The following TAOK1 variants were observed in gnomAD, a reference collection of about 807,000 sequenced individuals.
TAOK1 encodes the protein serine/threonine-protein kinase TAO1.
A neutral mutation model predicts 138.3 loss-of-function variants in TAOK1; 21 were observed. The observed-to-expected ratio is 0.15, with a 90% CI of 0.11 to 0.22. TAOK1 has a LOEUF of 0.22. TAOK1 is among the 10% of genes least tolerant of loss of function. TAOK1 has a pLI of 1.00. For missense variants in TAOK1, 651 were observed against 1,227.7 expected, an observed-to-expected ratio of 0.53 and a Z score of 7.02; for synonymous variants, 361 against 398.4, an observed-to-expected ratio of 0.91 and a Z score of 1.12.
intron 17 of TAOK1, among the ~76,000 whole-genome samples, chr17:29,528,521 ATAGT>A (rs1567745399): frequency 6.6e-6 from 1 of 151,992 alleles, no homozygotes; most frequent in Non-Finnish European, 1.5e-5. Flanking sequence ...CATAAACTGT[ATAGT>A]TAGAGTTGAG....
At chr17:29,394,683 A>G (rs868805199) in intron 1 of TAOK1, among the ~76,000 whole-genome samples, 31 of 152,300 alleles carry the variant, frequency 2.0e-4, no homozygotes, top group African/African-American at 7.5e-4. Flanking sequence ...GTTACTTATA[A>G]CAATTAATTG....
At chr17:29,525,685 G>A (rs2031997840) in intron 17 of TAOK1, among the ~76,000 whole-genome samples, 1 of 151,274 alleles carries the variant, frequency 6.6e-6, no homozygotes, top group African/African-American at 2.4e-5. Flanking sequence ...GTGAGCCACC[G>A]CGCCCAGCCC....
At chr17:29,405,851 A>T (rs7213208) in intron 1 of TAOK1, among the ~76,000 whole-genome samples, 1 of 151,984 alleles carries the variant, frequency 6.6e-6, no homozygotes, top group Non-Finnish European at 1.5e-5. Flanking sequence ...CAGCAATGAC[A>T]TACGTATTTC....
chr17:29,393,144 T>G (rs1043860018), intron 1 of TAOK1, among the ~76,000 whole-genome samples: 1 of 152,194 alleles, frequency 6.6e-6, no homozygotes, highest in African/African-American at 2.4e-5. Context: ...TTATGGCAAA[T>G]TATGCCAGGA....
intron 18 of TAOK1, among the ~76,000 whole-genome samples, chr17:29,533,333 C>A (rs1370051913): frequency 6.7e-6 from 1 of 149,782 alleles, no homozygotes; most frequent in African/African-American, 2.5e-5. Flanking sequence ...GGCGGCCGGG[C>A]AGAGATGTTC....
intron 3 of TAOK1, among the ~76,000 whole-genome samples, chr17:29,471,203 G>T (rs147151579): frequency 6.7e-6 from 1 of 150,368 alleles, no homozygotes; most frequent in South Asian, 2.1e-4. Flanking sequence ...TAGTACCGTA[G>T]TCCATTAAGT....
At chr17:29,489,624 T>A in intron 8 of TAOK1, 40 bp from the exon 9 acceptor site, 1 of 1,442,506 alleles carries the variant, frequency 6.9e-7, no homozygotes. Flanking sequence ...TGAGTACCCC[T>A]GGAACCTATT....
chr17:29,393,925 G>A (rs972184783), intron 1 of TAOK1, among the ~76,000 whole-genome samples: 2 of 152,018 alleles, frequency 1.3e-5, no homozygotes, highest in Non-Finnish European at 2.9e-5. Context: ...AATAATTATC[G>A]TATTTTTTAT....
intron 1 of TAOK1, among the ~76,000 whole-genome samples, chr17:29,407,548 G>T (rs929440690): frequency 2.0e-5 from 3 of 151,760 alleles, no homozygotes; most frequent in Admixed American, 1.3e-4. Flanking sequence ...CCAAGTTCAG[G>T]TGATCCTCCC....
At chr17:29,433,607 GA>G (rs1017824016) in intron 1 of TAOK1, among the ~76,000 whole-genome samples, 21 of 151,882 alleles carry the variant, frequency 1.4e-4, no homozygotes, top group African/African-American at 4.8e-4. Flanking sequence ...GGTGAAAAGG[GA>G]AAAAAAGGGG....
chr17:29,525,142 C>T (rs758036112), intron 17 of TAOK1, among the ~76,000 whole-genome samples: 8 of 151,626 alleles, frequency 5.3e-5, no homozygotes, highest in Non-Finnish European at 8.8e-5. Context: ...GGTGGAGTTT[C>T]GCTCTTATTG....
intron 17 of TAOK1, among the ~76,000 whole-genome samples, chr17:29,527,239 C>T (rs1026746703): frequency 2.6e-5 from 4 of 151,770 alleles, no homozygotes; most frequent in African/African-American, 9.7e-5. Flanking sequence ...TGTGGTGAGC[C>T]ATGATCATGC....
chr17:29,406,069 C>G (rs1598466722), intron 1 of TAOK1, among the ~76,000 whole-genome samples: 1 of 152,116 alleles, frequency 6.6e-6, no homozygotes, highest in South Asian at 2.1e-4. Context: ...TAGTGTAGTG[C>G]AGGGTTTCCC....
At position 29,542,762 on chromosome 17, in the gene TAOK1, G is replaced by A. The variant is rs777387008; in HGVS notation, c.2746G>A (p.Gly916Arg). 6.2e-7 allele frequency: 1 copy of A among 1,614,214 alleles called. No homozygotes were observed. Among genetic ancestry groups the A allele is most frequent in the Non-Finnish European group, 8.5e-7 (1 of 1,180,040 alleles). ...TTCTGGTTGGTCACACAACCCTACT[G>A]GGGGTCCAGGACCTCACTGGGGTCA... ...GASGWSHNPT[G>R]GPGPHWGHPM... Residue 916 changes from glycine to arginine, a missense_variant, in exon 20 of 20, where the codon GGG (glycine) becomes AGG (arginine). Physicochemically the swap from Gly to Arg is moderately radical, Grantham distance 125. This residue lies in a region of TAOK1 where 108 missense variants were observed against 120.3 expected (regional missense o/e 0.90). Coordinates refer to ENST00000261716, the MANE Select transcript of TAOK1 (RefSeq NM_020791.4).
chr17:29,494,963 T>C (rs2031383765), intron 10 of TAOK1, among the ~76,000 whole-genome samples: 1 of 152,112 alleles, frequency 6.6e-6, no homozygotes, highest in African/African-American at 2.4e-5. Context: ...ATGAAAAGTA[T>C]ATTACAATGT....
chr17:29,476,423 A>AT (rs1361608298), intron 4 of TAOK1, among the ~76,000 whole-genome samples: 3 of 152,312 alleles, frequency 2.0e-5, no homozygotes, highest in African/African-American at 7.2e-5. Context: ...TGATTAAAGA[A>AT]AAAGTAACAT....
At position 29,510,952 on chromosome 17, in the gene TAOK1, A is replaced by G; in HGVS notation, c.1664A>G (p.Gln555Arg). The change falls in exon 15 of 20, where the codon CAG (glutamine) becomes CGG (arginine). Residue 555 changes from glutamine to arginine, a missense_variant. This residue lies in a region of TAOK1 where 258 missense variants were observed against 548.9 expected (regional missense o/e 0.47). Coordinates refer to ENST00000261716, the MANE Select transcript of TAOK1 (RefSeq NM_020791.4). ...GAACTGAATAGTTTTCTCGAGTCCCAGAAAAGAGAGTATAAACTTCGAAAA... is the reference window on the plus strand; with the variant it reads ...GAACTGAATAGTTTTCTCGAGTCCCGGAAAAGAGAGTATAAACTTCGAAAA... ...KKELNSFLES[Q>R]KREYKLRKEQ... The G allele has an allele frequency of 6.2e-7, 1 of 1,609,592 alleles. No homozygotes were observed. The highest frequency in any genetic ancestry group is 8.5e-7 in the Non-Finnish European group (1 of 1,178,252).
chr17:29,471,696 G>T (rs1043852306), intron 3 of TAOK1, among the ~76,000 whole-genome samples: 1 of 152,138 alleles, frequency 6.6e-6, no homozygotes, highest in African/African-American at 2.4e-5. Context: ...TCAGGGTAGT[G>T]GTTGCTGAAG....
chr17:29,536,107 TG>T lies in TAOK1; in HGVS notation c.2544+1809del, dbSNP rs552550889. Among the ~76,000 whole-genome samples, 405 of 150,468 alleles carry T rather than the reference TG, an allele frequency of 2.7e-3. 3 individuals carry two copies. The highest frequency in any genetic ancestry group is 9.6e-3 in the African/African-American group (390 of 40,784). ...TGTGGTCAGGAGTTCAAGACCAGCC[TG>T]GCCAACATAGTGAAACACCATCTCT... On this transcript the variant is annotated intron_variant, in intron 19 of 19. Transcript: ENST00000261716.
Sources: allele counts gnomAD v4.1 joint callset (sites outside exome capture counted in the v4.1 genomes callset), GRCh38; gene constraint gnomAD v4.1.1; regional missense constraint gnomAD v4.1.1; transcripts MANE v1.5; gene names NCBI Gene and HGNC (gene_info 2026-07-23, HGNC 2026-07-21).